HCK: variants seen among roughly 807,000 people sequenced by gnomAD.
HCK encodes HCK proto-oncogene, Src family tyrosine kinase.
A neutral mutation model predicts 70.4 loss-of-function variants in HCK; 40 were observed. The ratio of observed to expected loss-of-function variants is 0.57; its 90% CI spans 0.44 to 0.74. HCK has a LOEUF of 0.74. Among genes scored for constraint, HCK ranks in the 30% least tolerant of loss-of-function variants. The pLI is 0.00. For missense variants in HCK, 568 were observed against 697.2 expected (o/e 0.81, Z 2.09); for synonymous variants, 245 against 263.2 (o/e 0.93, Z 0.67).
Position 32,079,779 on chromosome 20 carries a change from T to G in HCK, c.434T>G (p.Phe145Cys), listed in dbSNP as rs199815006. The G allele has an allele frequency of 1.9e-6, 3 of 1,613,188 alleles. No individual in the cohort carries two copies. Among genetic ancestry groups the G allele is most frequent in the African/African-American group, 2.7e-5 (2 of 74,988 alleles). ...TCCCCTCCCTTTTCCATCAGGTGGT[T>G]TTTCAAGGGCATCAGCCGGAAGGAC... The change falls in exon 6 of 13, where the codon TTT (phenylalanine) becomes TGT (cysteine). Residue 145 changes from phenylalanine to cysteine, a missense_variant. Physicochemically the swap from Phe to Cys is radical, Grantham distance 205. Transcript: ENST00000375852.
rs569666396 is a variant in HCK, at chr20:32,067,596, A to C, written c.63-4066A>C. On this transcript the variant is annotated intron_variant, in intron 1 of 12. Transcript: ENST00000375852. ...CAGACACTTTTACTTCCTACTACAT[A>C]AAGTATGGCACGCCAGGCATGCAGC... Among the ~76,000 whole-genome samples the C allele has an allele frequency of 4.9e-4, 65 of 133,582 alleles. No individual in the cohort carries two copies. The South Asian group carries it at 6.4e-3, about 13-fold the overall frequency. The allele number at this position is 133,582 out of a possible 152,430, so 87.6% of individuals were successfully genotyped here. A position where few individuals can be genotyped will look rare whatever the true frequency, so the allele number is the denominator to read the frequency against.
chr20:32,053,658 A>AG (rs2045217977), intron 1 of HCK, among the ~76,000 whole-genome samples: 1 of 151,672 alleles, frequency 6.6e-6, no homozygotes, highest in African/African-American at 2.4e-5. Flanking sequence ...AAAAAAAAAA[A>AG]AAAGTTACTG....
At chr20:32,084,126 C>G (rs6121336) in intron 7 of HCK, 83 bp downstream of exon 7, 1 of 1,432,282 alleles carries the variant, frequency 7.0e-7, no homozygotes, top group Admixed American at 2.0e-5. Context: ...CCCCTGAGAC[C>G]TGCTGTGTCC....
At chr20:32,066,020 T>C (rs1420886133) in intron 1 of HCK, among the ~76,000 whole-genome samples, 1 of 152,112 alleles carries the variant, frequency 6.6e-6, no homozygotes, top group Non-Finnish European at 1.5e-5. Flanking sequence ...ACAGCTCCCC[T>C]GTGAGGTTGA....
intron 11 of HCK, among the ~76,000 whole-genome samples, chr20:32,098,446 T>C (rs2045986565): frequency 6.6e-6 from 1 of 151,796 alleles, no homozygotes; most frequent in African/African-American, 2.4e-5. Flanking sequence ...CAGTGAACTA[T>C]GATTGTGCCA....
At chr20:32,082,895 A>G (rs2122571335) in intron 6 of HCK, among the ~76,000 whole-genome samples, 1 of 152,204 alleles carries the variant, frequency 6.6e-6, no homozygotes, top group Non-Finnish European at 1.5e-5. Context: ...GCACCAGCCT[A>G]ATATGTATGT....
At chr20:32,058,436 G>A (rs967896025) in intron 1 of HCK, among the ~76,000 whole-genome samples, 1 of 151,488 alleles carries the variant, frequency 6.6e-6, no homozygotes, top group Admixed American at 6.6e-5. Context: ...GGAAGCCGAG[G>A]CAGGAGAATT....
chr20:32,097,744 C>A (rs1299129279), intron 11 of HCK, among the ~76,000 whole-genome samples: 1 of 152,220 alleles, frequency 6.6e-6, no homozygotes, highest in East Asian at 1.9e-4. Flanking sequence ...CTCTCACACA[C>A]ACAAACACAC....
At chr20:32,069,870 T>C in intron 1 of HCK, 1 of 685,740 alleles carries the variant, frequency 1.5e-6, no homozygotes, top group Non-Finnish European at 2.1e-6. Flanking sequence ...ACAAGATAAG[T>C]ATAACTGAGT....
At chr20:32,086,044 G>T (rs1010895342) in intron 8 of HCK, among the ~76,000 whole-genome samples, 1 of 152,174 alleles carries the variant, frequency 6.6e-6, no homozygotes, top group Non-Finnish European at 1.5e-5. Context: ...GTTTGAGACA[G>T]AGTCTCGCTC....
At position 32,086,779 on chromosome 20, in the gene HCK, C is replaced by A; in HGVS notation, c.987C>A (p.Ile329=). Residue 329 remains isoleucine (I), a synonymous_variant, in exon 9 of 13, where the codon ATC becomes ATA. Coordinates refer to ENST00000375852, the MANE Select transcript of HCK (RefSeq NM_002110.5). ...ATGCGGTGGTCACCAAGGAGCCCAT[C>A]TACATCATCACGGAGTTCATGGCCA... The A allele has an allele frequency of 6.3e-7, 1 of 1,593,514 alleles. No homozygotes were observed. Among genetic ancestry groups the A allele is most frequent in the Non-Finnish European group, 8.6e-7 (1 of 1,169,380 alleles).
intron 1 of HCK, among the ~76,000 whole-genome samples, chr20:32,067,757 G>A (rs148027194): frequency 2.7e-4 from 41 of 152,018 alleles, no homozygotes; most frequent in Non-Finnish European, 4.0e-4. Context: ...GTTTGCATAT[G>A]GTGGCTCTGA....
At chr20:32,056,474 C>G (rs2122451739) in intron 1 of HCK, among the ~76,000 whole-genome samples, 1 of 152,106 alleles carries the variant, frequency 6.6e-6, no homozygotes, top group Admixed American at 6.5e-5. Context: ...CGAGATCGAG[C>G]CACTGCACTC....
At chr20:32,081,045 A>G (rs2045703205) in intron 6 of HCK, among the ~76,000 whole-genome samples, 2 of 152,138 alleles carry the variant, frequency 1.3e-5, no homozygotes, top group African/African-American at 4.8e-5. Context: ...GCCATAATGG[A>G]GCCACTAGAC....
intron 5 of HCK, among the ~76,000 whole-genome samples, chr20:32,078,077 C>G (rs2045653290): frequency 1.3e-5 from 2 of 151,812 alleles, no homozygotes; most frequent in East Asian, 1.9e-4. Context: ...CTCTGTTGCC[C>G]AGGCTGGAGT....
At chr20:32,066,331 T>TTTA (rs60044994) in intron 1 of HCK, among the ~76,000 whole-genome samples, 2 of 81,878 alleles carry the variant, frequency 2.4e-5, no homozygotes, top group African/African-American at 8.6e-5. Context: ...TTTTTTTTTT[T>TTTA]GACAGAGTCT....
At chr20:32,084,250 C>A in intron 7 of HCK, 141 bp from the exon 8 acceptor site, 2 of 1,091,948 alleles carry the variant, frequency 1.8e-6, no homozygotes, top group Non-Finnish European at 2.6e-6. Context: ...TCACACTCTG[C>A]TTGCTTGGGA....
intron 10 of HCK, among the ~76,000 whole-genome samples, chr20:32,092,896 C>T (rs1050031414): frequency 1.1e-4 from 17 of 152,266 alleles, no homozygotes; most frequent in African/African-American, 2.4e-4. Context: ...TTTCCCTGAA[C>T]GCCCAATCCA....
At chr20:32,075,826 G>C (rs1389137116) in intron 5 of HCK, among the ~76,000 whole-genome samples, 1 of 152,166 alleles carries the variant, frequency 6.6e-6, no homozygotes, top group African/African-American at 2.4e-5. Context: ...TTCTCTGTAT[G>C]GTGGATGAGG....
Sources: allele counts gnomAD v4.1 joint callset (sites outside exome capture counted in the v4.1 genomes callset), GRCh38; gene constraint gnomAD v4.1.1; transcripts MANE v1.5; gene names NCBI Gene and HGNC (gene_info 2026-07-23, HGNC 2026-07-21).